SRPK2: variants seen among roughly 807,000 people sequenced by gnomAD.
The protein encoded by SRPK2 is SRSF protein kinase 2.
In SRPK2, 21 loss-of-function variants were observed where a neutral mutation model predicts 90.8. That is an observed-to-expected ratio of 0.23 (90% CI 0.16 to 0.33). SRPK2 has a LOEUF of 0.33. SRPK2 is among the 10% of genes least tolerant of loss of function. The pLI, the probability that SRPK2 is intolerant of heterozygous loss-of-function variation, is 1.00. For missense variants in SRPK2, 620 were observed against 869.0 expected (o/e 0.71, Z 3.60); for synonymous variants, 288 against 311.1 (o/e 0.93, Z 0.78).
At chr7:105,152,953 G>A (rs1805932732) in intron 7 of SRPK2, among the ~76,000 whole-genome samples, 1 of 152,158 alleles carries the variant, frequency 6.6e-6, no homozygotes, top group Non-Finnish European at 1.5e-5. Context: ...AGAATTGCTT[G>A]AACTCAGGAG....
intron 1 of SRPK2, among the ~76,000 whole-genome samples, chr7:105,397,462 G>A (rs149518667): frequency 0.032 from 4,686 of 146,850 alleles, 219 homozygotes; most frequent in African/African-American, 0.1. Flanking sequence ...CCTGAGTAGC[G>A]GGGACTATAG....
chr7:105,393,718 G>GT (rs1271532056), upstream of SRPK2, among the ~76,000 whole-genome samples: 3 of 151,906 alleles, frequency 2.0e-5, no homozygotes, highest in Non-Finnish European at 4.4e-5. Context: ...AGAATTCAGT[G>GT]TTTTTTAGCA....
At chr7:105,357,744 C>CA (rs1817946529) in intron 2 of SRPK2, among the ~76,000 whole-genome samples, 2 of 147,950 alleles carry the variant, frequency 1.4e-5, no homozygotes, top group African/African-American at 2.5e-5. Context: ...GACTCCGTCT[C>CA]AAAAAACAAA....
chr7:105,298,266 A>G (rs577408399), intron 2 of SRPK2, among the ~76,000 whole-genome samples: 5 of 152,278 alleles, frequency 3.3e-5, no homozygotes, highest in East Asian at 1.9e-4. Flanking sequence ...TTCACTTAAC[A>G]TAATGCCTTT....
chr7:105,237,665 T>G (rs1209376218), intron 2 of SRPK2, among the ~76,000 whole-genome samples: 1 of 152,156 alleles, frequency 6.6e-6, no homozygotes, highest in Non-Finnish European at 1.5e-5. Flanking sequence ...CTTTAAAACT[T>G]GAATACCTTG....
At chr7:105,168,658 C>G (rs563179727) in intron 4 of SRPK2, among the ~76,000 whole-genome samples, 28 of 151,128 alleles carry the variant, frequency 1.9e-4, no homozygotes, top group Non-Finnish European at 3.8e-4. Flanking sequence ...TCAGAGTTAT[C>G]ACGAATATTA....
At chr7:105,233,623 G>A (rs1188935417) in intron 2 of SRPK2, among the ~76,000 whole-genome samples, 1 of 152,200 alleles carries the variant, frequency 6.6e-6, no homozygotes. Context: ...GTAGGCCAAA[G>A]CCGGTGGATC....
At chr7:105,358,329 T>C (rs948396395) in intron 2 of SRPK2, among the ~76,000 whole-genome samples, 1 of 152,052 alleles carries the variant, frequency 6.6e-6, no homozygotes, top group African/African-American at 2.4e-5. Context: ...TTTTGTATGT[T>C]ATATGTATTA....
intron 2 of SRPK2, among the ~76,000 whole-genome samples, chr7:105,344,756 T>C (rs542116937): frequency 9.7e-6 from 1 of 103,254 alleles, no homozygotes; most frequent in African/African-American, 3.8e-5. Context: ...TTAACTTTAT[T>C]TGCAAGTCTT....
At chr7:105,144,710 A>G (rs893968046) in intron 9 of SRPK2, among the ~76,000 whole-genome samples, 2 of 152,162 alleles carry the variant, frequency 1.3e-5, no homozygotes, top group Non-Finnish European at 2.9e-5. Flanking sequence ...CAACTCCATC[A>G]CCTCACATTT....
intron 2 of SRPK2, among the ~76,000 whole-genome samples, chr7:105,370,151 A>G (rs1315156063): frequency 1.3e-5 from 2 of 152,226 alleles, no homozygotes; most frequent in African/African-American, 4.8e-5. Flanking sequence ...TGAAGCACCC[A>G]GCCACAAAAG....
rs141492384 is a variant in SRPK2 at position 105,271,837 on chromosome 7, G to A, written c.72-68052C>T. 1.3e-4 allele frequency among the ~76,000 whole-genome samples: 20 copies of A among 152,134 alleles called. No individual in the cohort carries two copies. In the East Asian group the frequency reaches 2.7e-3, roughly 21 times the overall value. ...TTCAATTACTTCCAGGGTAGTATCT[G>A]GGACCCTATATGCTTTATTTTTCTG... On this transcript the variant is annotated intron_variant, in intron 2 of 15. Transcript: ENST00000393651.
At chr7:105,292,278 C>G (rs756346549) in intron 2 of SRPK2, among the ~76,000 whole-genome samples, 11 of 151,962 alleles carry the variant, frequency 7.2e-5, no homozygotes, top group Admixed American at 3.9e-4. Context: ...GAGGCCGAGG[C>G]GGGCCAATCA....
At chr7:105,287,936 G>A (rs746474927) in intron 2 of SRPK2, among the ~76,000 whole-genome samples, 1 of 151,988 alleles carries the variant, frequency 6.6e-6, no homozygotes, top group Admixed American at 6.6e-5. Flanking sequence ...TGCCTTTTGT[G>A]GTTATATGGC....
intron 2 of SRPK2, among the ~76,000 whole-genome samples, chr7:105,243,244 T>C (rs1006949443): frequency 6.6e-6 from 1 of 152,158 alleles, no homozygotes; most frequent in Non-Finnish European, 1.5e-5. Context: ...CTTCAAGCAA[T>C]CCTTCCCCAT....
At chr7:105,230,690 G>A (rs1342287998) in intron 2 of SRPK2, among the ~76,000 whole-genome samples, 1 of 152,160 alleles carries the variant, frequency 6.6e-6, no homozygotes, top group African/African-American at 2.4e-5. Context: ...CTCACATGTT[G>A]ACAAACGTCA....
intron 2 of SRPK2, among the ~76,000 whole-genome samples, chr7:105,224,181 TTA>T (rs1360835715): frequency 6.6e-6 from 1 of 152,218 alleles, no homozygotes; most frequent in Non-Finnish European, 1.5e-5. Flanking sequence ...TATTTATATT[TTA>T]TGAGTCTATA....
chr7:105,241,969 C>G (rs985119674), intron 2 of SRPK2, among the ~76,000 whole-genome samples: 5 of 152,044 alleles, frequency 3.3e-5, no homozygotes, highest in African/African-American at 1.2e-4. Context: ...CTGCCATATT[C>G]TACCTGATAA....
chr7:105,366,681 C>T (rs1819105333), intron 2 of SRPK2, among the ~76,000 whole-genome samples: 1 of 152,102 alleles, frequency 6.6e-6, no homozygotes, highest in Non-Finnish European at 1.5e-5. Context: ...GTATGCCTTT[C>T]TTATTGCAAT....
Sources: allele counts gnomAD v4.1 joint callset (sites outside exome capture counted in the v4.1 genomes callset), GRCh38; gene constraint gnomAD v4.1.1; transcripts MANE v1.5; gene names NCBI Gene and HGNC (gene_info 2026-07-23, HGNC 2026-07-21).